Variants in RIMS2 observed in about 807,000 individuals in gnomAD.
RIMS2 encodes regulating synaptic membrane exocytosis protein 2.
Under a neutral mutation model 174.4 loss-of-function variants are expected in RIMS2, and 59 were observed. That is an observed-to-expected ratio of 0.34 (90% CI 0.27 to 0.42). RIMS2 has a LOEUF of 0.42. RIMS2 is among the 10% of genes least tolerant of loss of function. The probability of loss-of-function intolerance (pLI) is 1.00; values close to 1 mark genes in which losing one functional copy is unlikely to be tolerated. For missense variants in RIMS2, 1,620 were observed against 1,666.3 expected (o/e 0.97, Z 0.48); for synonymous variants, 606 against 572.5 (o/e 1.06, Z -0.84).
At chr8:104,248,590 A>T (rs1271410207) in intron 20 of RIMS2, 111 bp from the exon 27 acceptor site, 1 of 670,822 alleles carries the variant, frequency 1.5e-6, no homozygotes, top group Non-Finnish European at 2.7e-6. Context: ...AATATAAGTG[A>T]CAAAATAATA....
At chr8:103,815,496 A>G (rs1028210434) in intron 3 of RIMS2, among the ~76,000 whole-genome samples, 1 of 152,136 alleles carries the variant, frequency 6.6e-6, no homozygotes, top group African/African-American at 2.4e-5. Context: ...AAAGATTCTA[A>G]TAGAACATAA....
intron 19 of RIMS2, among the ~76,000 whole-genome samples, chr8:104,049,755 A>G (rs890222859): frequency 2.0e-5 from 3 of 152,226 alleles, no homozygotes; most frequent in East Asian, 1.9e-4. Flanking sequence ...ATAAATTTCA[A>G]AAAAGGAAAA....
rs1470065815 is a variant in RIMS2 at position 104,183,512 on chromosome 8, A to G, written c.3335-61404A>G. On this transcript the variant is annotated intron_variant, in intron 19 of 23. Transcript: ENST00000504942. ...TTGACATTCAAACTAGACAATTTTGAATACTAAAATACCAGTAACACCATA... is the reference window on the plus strand; with the variant it reads ...TTGACATTCAAACTAGACAATTTTGGATACTAAAATACCAGTAACACCATA... Among the ~76,000 whole-genome samples the G allele has an allele frequency of 1.3e-5, 2 of 151,628 alleles. 1 individual carries two copies. Among genetic ancestry groups the G allele is most frequent in the African/African-American group, 4.8e-5 (2 of 41,378 alleles).
Position 103,734,041 on chromosome 8 carries a change from C to T in RIMS2, c.388-32186C>T, listed in dbSNP as rs1381386297. ...TTTTTTTTTTTTTTTTTTTTTTTTC[C>T]CAGACGGAGTCTCGCTGCTGGAGTG... On this transcript the variant is annotated intron_variant, in intron 2 of 23. Transcript: ENST00000504942. 2.2e-4 allele frequency among the ~76,000 whole-genome samples: 21 copies of T among 96,138 alleles called. 1 individual carries two copies. The highest frequency in any genetic ancestry group is 1.5e-3 in the Admixed American group (15 of 10,202). The allele number at this position is 96,138 out of a possible 152,430, so 63.1% of individuals were successfully genotyped here.
chr8:103,755,494 A>G (rs1230094702), intron 2 of RIMS2, among the ~76,000 whole-genome samples: 1 of 152,200 alleles, frequency 6.6e-6, no homozygotes, highest in East Asian at 1.9e-4. Flanking sequence ...AGGCTGGGGA[A>G]GTTCTCCTGG....
At chr8:103,734,141 T>A (rs1393691360) in intron 2 of RIMS2, among the ~76,000 whole-genome samples, 1 of 148,936 alleles carries the variant, frequency 6.7e-6, no homozygotes, top group East Asian at 2.1e-4. Context: ...GCCTCCCAAG[T>A]AGCTGGGGCT....
intron 10 of RIMS2, 57 bp downstream of exon 13, chr8:103,921,841 T>A: frequency 2.9e-6 from 2 of 700,656 alleles, no homozygotes; most frequent in African/African-American, 3.6e-5. Flanking sequence ...GTTTTTAAAA[T>A]ATGATGCTTG....
At chr8:103,526,718 G>C (rs532221334) in intron 1 of RIMS2, among the ~76,000 whole-genome samples, 1 of 152,146 alleles carries the variant, frequency 6.6e-6, no homozygotes, top group African/African-American at 2.4e-5. Flanking sequence ...GGAGAAATGA[G>C]AAAATATGTG....
At chr8:103,902,680 G>A (rs937767105) in intron 4 of RIMS2, among the ~76,000 whole-genome samples, 17 of 152,070 alleles carry the variant, frequency 1.1e-4, no homozygotes, top group African/African-American at 4.1e-4. Context: ...TGACCCTCCA[G>A]GAAGGCTTCA....
chr8:103,962,898 T>G (rs1037806751), intron 15 of RIMS2, among the ~76,000 whole-genome samples: 39 of 152,300 alleles, frequency 2.6e-4, no homozygotes, highest in Non-Finnish European at 4.4e-4. Flanking sequence ...ATGCTACACT[T>G]TAACAATACC....
chr8:103,995,085 T>C (rs2094990083), intron 17 of RIMS2, among the ~76,000 whole-genome samples: 1 of 152,152 alleles, frequency 6.6e-6, no homozygotes, highest in South Asian at 2.1e-4. Flanking sequence ...TGTATACTTT[T>C]TTAAATATTT....
chr8:104,055,749 A>G (rs2096857781), intron 19 of RIMS2, among the ~76,000 whole-genome samples: 1 of 152,212 alleles, frequency 6.6e-6, no homozygotes, highest in Non-Finnish European at 1.5e-5. Context: ...TTTGCACTTT[A>G]GCCTAAAAGA....
At chr8:104,173,613 A>AT (rs71297262) in intron 19 of RIMS2, among the ~76,000 whole-genome samples, 1,421 of 54,218 alleles carry the variant, frequency 0.026, 402 homozygotes, top group Middle Eastern at 0.059. Flanking sequence ...AGCTCTTCTG[A>AT]TTTTTTTTTT....
chr8:103,931,051 T>C (rs1225134448), intron 11 of RIMS2, among the ~76,000 whole-genome samples: 1 of 152,156 alleles, frequency 6.6e-6, no homozygotes, highest in African/African-American at 2.4e-5. Context: ...GCCCACATGC[T>C]TGATCAGTCA....
At chr8:103,898,820 C>T (rs978611100) in intron 4 of RIMS2, among the ~76,000 whole-genome samples, 2 of 151,386 alleles carry the variant, frequency 1.3e-5, no homozygotes, top group African/African-American at 4.9e-5. Flanking sequence ...GTGTGCTGCA[C>T]CCATGAACTC....
Position 103,746,252 on chromosome 8 carries a change from T to C in RIMS2, c.388-19975T>C, listed in dbSNP as rs545519367. Among the ~76,000 whole-genome samples the C allele has an allele frequency of 2.0e-5, 3 of 152,286 alleles. No individual in the cohort carries two copies. The South Asian group carries it at 6.2e-4, about 32-fold the overall frequency. ...TCCCTTGTTGAAAATCAGTTGACCA[T>C]AGATGTATGGGTTTATTTCTGAACT... On this transcript the variant is annotated intron_variant, in intron 2 of 23. Transcript: ENST00000504942.
At chr8:104,154,895 AG>A (rs1278670201) in intron 19 of RIMS2, among the ~76,000 whole-genome samples, 4 of 152,106 alleles carry the variant, frequency 2.6e-5, no homozygotes, top group African/African-American at 9.7e-5. Context: ...CCTCAATGAA[AG>A]GGCCATGAAT....
intron 1 of RIMS2, among the ~76,000 whole-genome samples, chr8:103,592,688 T>G (rs1478989405): frequency 6.6e-6 from 1 of 151,394 alleles, no homozygotes; most frequent in Non-Finnish European, 1.5e-5. Context: ...GTTTTTTATA[T>G]TTACATCTGG....
chr8:103,796,207 A>C (rs947535899), intron 3 of RIMS2, among the ~76,000 whole-genome samples: 5 of 152,140 alleles, frequency 3.3e-5, no homozygotes, highest in Non-Finnish European at 7.3e-5. Flanking sequence ...ATTAAAGTGT[A>C]GATATGAAGT....
Sources: allele counts gnomAD v4.1 joint callset (sites outside exome capture counted in the v4.1 genomes callset), GRCh38; gene constraint gnomAD v4.1.1; transcripts MANE v1.5; gene names NCBI Gene and HGNC (gene_info 2026-07-23, HGNC 2026-07-21).